Variants in TBC1D22A observed in about 807,000 individuals in gnomAD.
The protein encoded by TBC1D22A is putative GTPase activator.
Under a neutral mutation model 60.2 loss-of-function variants are expected in TBC1D22A, and 38 were observed. The observed-to-expected ratio is 0.63, with a 90% CI of 0.49 to 0.83. The LOEUF is 0.83. Among genes scored for constraint, TBC1D22A ranks in the 40% least tolerant of loss-of-function variants. The probability of loss-of-function intolerance (pLI) is 0.00; values close to 1 mark genes in which losing one functional copy is unlikely to be tolerated. For synonymous variants in TBC1D22A, 302 were observed against 281.7 expected (o/e 1.07, Z -0.72); for missense variants, 628 against 701.0 (o/e 0.90, Z 1.18).
intron 9 of TBC1D22A, among the ~76,000 whole-genome samples, chr22:46,991,896 T>C (rs136136): frequency 0.25 from 37,438 of 152,154 alleles, 4,943 homozygotes; most frequent in East Asian, 0.3. Flanking sequence ...CTCTGCTGCA[T>C]GGTGCCTGAA....
chr22:47,000,538 G>A (rs572511251), intron 10 of TBC1D22A, among the ~76,000 whole-genome samples: 69 of 152,342 alleles, frequency 4.5e-4, no homozygotes, highest in African/African-American at 1.3e-3. Context: ...TGGAAGCCGC[G>A]TGGAAAGGAG....
At chr22:47,065,251 C>T (rs1329923698) in intron 11 of TBC1D22A, among the ~76,000 whole-genome samples, 2 of 152,254 alleles carry the variant, frequency 1.3e-5, no homozygotes, top group African/African-American at 2.4e-5. Flanking sequence ...CCACGTTGGC[C>T]TCCCAAAGTG....
chr22:46,878,339 T>G, intron 4 of TBC1D22A, among the ~76,000 whole-genome samples: 19 of 144,840 alleles, frequency 1.3e-4, no homozygotes, highest in Non-Finnish European at 2.0e-4. Context: ...GAGAAGGAGG[T>G]GGGAGGGAAG....
intron 11 of TBC1D22A, among the ~76,000 whole-genome samples, chr22:47,074,060 A>T (rs2064110725): frequency 6.6e-6 from 1 of 152,178 alleles, no homozygotes; most frequent in Non-Finnish European, 1.5e-5. Context: ...GTGAGCTATG[A>T]TCGCACCACT....
chr22:47,012,546 G>GC (rs1417945736), intron 10 of TBC1D22A, among the ~76,000 whole-genome samples: 2 of 152,140 alleles, frequency 1.3e-5, no homozygotes, highest in Non-Finnish European at 2.9e-5. Context: ...GTCCTTCATG[G>GC]CCCTCACCTG....
intron 4 of TBC1D22A, among the ~76,000 whole-genome samples, chr22:46,856,616 T>C (rs1237307855): frequency 6.6e-6 from 1 of 152,124 alleles, no homozygotes; most frequent in Non-Finnish European, 1.5e-5. Context: ...AACAAATGAT[T>C]AGGGCTCTCT....
At chr22:47,113,771 G>A (rs77310713) in intron 12 of TBC1D22A, among the ~76,000 whole-genome samples, 3,245 of 152,270 alleles carry the variant, frequency 0.021, 92 homozygotes, top group African/African-American at 0.073. Context: ...TTGTGAATAC[G>A]TGCAGAAGTG....
chr22:46,817,891 C>T (rs1355648114), intron 4 of TBC1D22A, among the ~76,000 whole-genome samples: 1 of 152,166 alleles, frequency 6.6e-6, no homozygotes, highest in Non-Finnish European at 1.5e-5. Context: ...AAAAGTATTC[C>T]CATTTCTCCG....
At chr22:46,873,731 T>G (rs1159718378) in intron 4 of TBC1D22A, among the ~76,000 whole-genome samples, 1 of 152,100 alleles carries the variant, frequency 6.6e-6, no homozygotes, top group Admixed American at 6.5e-5. Context: ...CCCGCGTTAG[T>G]TTGGTAAGGA....
chr22:46,965,292 T>G (rs1267213381), intron 8 of TBC1D22A, among the ~76,000 whole-genome samples: 6 of 152,236 alleles, frequency 3.9e-5, no homozygotes, highest in African/African-American at 1.2e-4. Context: ...CCATCTGACC[T>G]GTGGGGGCGG....
At chr22:47,008,077 C>G (rs898124450) in intron 10 of TBC1D22A, among the ~76,000 whole-genome samples, 2 of 152,226 alleles carry the variant, frequency 1.3e-5, no homozygotes, top group Non-Finnish European at 1.5e-5. Flanking sequence ...GAAGAGGGGA[C>G]TCTTCATTTC....
chr22:47,060,281 G>A (rs906098050), intron 11 of TBC1D22A, among the ~76,000 whole-genome samples: 4 of 129,044 alleles, frequency 3.1e-5, no homozygotes, highest in Non-Finnish European at 6.2e-5. Context: ...TTGCTCTGTT[G>A]CCCAGGCTGG....
At chr22:46,965,482 C>T (rs989062388) in intron 8 of TBC1D22A, among the ~76,000 whole-genome samples, 20 of 152,306 alleles carry the variant, frequency 1.3e-4, no homozygotes, top group Admixed American at 1.1e-3. Context: ...TTAAAGCCTT[C>T]GGCGTGCTTT....
At chr22:46,812,765 C>T (rs1389392510) in intron 4 of TBC1D22A, among the ~76,000 whole-genome samples, 2 of 152,220 alleles carry the variant, frequency 1.3e-5, no homozygotes, top group Non-Finnish European at 2.9e-5. Context: ...TCATACTTGT[C>T]AAATGTAGGG....
chr22:46,904,146 C>CTATCTAATCTAT (rs1555937562), intron 7 of TBC1D22A, among the ~76,000 whole-genome samples: 3 of 45,386 alleles, frequency 6.6e-5, no homozygotes, highest in African/African-American at 1.8e-4. Context: ...TATCTATCTA[C>CTATCTAATCTAT]CTACCTACCT....
At position 46,990,817 on chromosome 22, in the gene TBC1D22A, C is replaced by T. The variant is rs1441371929; in HGVS notation, c.1126-6817C>T. On this transcript the variant is annotated intron_variant, in intron 9 of 12. Transcript: ENST00000337137. The surrounding 1 kb of genome is among the most constrained non-coding windows in gnomAD (Gnocchi z 4.6). ...GCTGGCTGTCTCCCTCCCGCGCCGG[C>T]GTTCGTGACGGCTCTGCTCCTCGCC... 6.6e-6 allele frequency among the ~76,000 whole-genome samples: 1 copy of T among 152,232 alleles called. No homozygotes were observed. The highest frequency in any genetic ancestry group is 1.5e-5 in the Non-Finnish European group (1 of 68,040).
chr22:47,080,493 T>G (rs1171773261), intron 11 of TBC1D22A, among the ~76,000 whole-genome samples: 1 of 152,186 alleles, frequency 6.6e-6, no homozygotes, highest in African/African-American at 2.4e-5. Flanking sequence ...TGCTTTTAAA[T>G]AATCCGCGAT....
chr22:47,065,446 G>C (rs895502206), intron 11 of TBC1D22A, among the ~76,000 whole-genome samples: 1 of 152,192 alleles, frequency 6.6e-6, no homozygotes, highest in Non-Finnish European at 1.5e-5. Flanking sequence ...TCTCCACGGG[G>C]CAGGGCTCAC....
chr22:46,913,479 T>C (rs772003305), intron 8 of TBC1D22A: 8 of 1,330,142 alleles, frequency 6.0e-6, no homozygotes, highest in Middle Eastern at 2.2e-4. Flanking sequence ...TCTGACACTT[T>C]GTTTCCATTT....
Sources: allele counts gnomAD v4.1 joint callset (sites outside exome capture counted in the v4.1 genomes callset), GRCh38; gene constraint gnomAD v4.1.1; non-coding constraint Gnocchi (gnomAD v3.1); transcripts MANE v1.5; gene names NCBI Gene and HGNC (gene_info 2026-07-23, HGNC 2026-07-21).